EYS: variants seen among roughly 807,000 people sequenced by gnomAD.
EYS encodes protein eyes shut homolog.
EYS carries 250 observed loss-of-function variants against 282.1 expected under a neutral mutation model. That is an observed-to-expected ratio of 0.89 (90% CI 0.80 to 0.98). The LOEUF (loss-of-function observed/expected upper bound fraction) is 0.98. Ranked by LOEUF, EYS falls within the 50% of genes least tolerant of loss-of-function variation. The probability of loss-of-function intolerance (pLI) is 0.00; values close to 1 mark genes in which losing one functional copy is unlikely to be tolerated. For synonymous variants in EYS, 1,355 were observed against 1,282.9 expected (o/e 1.06, Z -1.20); for missense variants, 4,016 against 3,709.0 (o/e 1.08, Z -2.15).
intron 22 of EYS, among the ~76,000 whole-genome samples, chr6:64,662,036 T>C (rs532120322): frequency 4.6e-5 from 7 of 152,038 alleles, no homozygotes; most frequent in Admixed American, 1.3e-4. Context: ...ATATACACCA[T>C]GGAATACTAT....
chr6:65,139,666 A>T (rs1764277618), intron 12 of EYS, among the ~76,000 whole-genome samples: 2 of 152,056 alleles, frequency 1.3e-5, no homozygotes, highest in Admixed American at 1.3e-4. Context: ...ACCCATGCCC[A>T]TTGGAAATGA....
intron 1 of EYS, among the ~76,000 whole-genome samples, chr6:65,694,989 G>A (rs1769391376): frequency 6.6e-6 from 1 of 151,930 alleles, no homozygotes; most frequent in Non-Finnish European, 1.5e-5. Context: ...CAAAATGAAG[G>A]AGAATTTGAG....
intron 2 of EYS, among the ~76,000 whole-genome samples, chr6:65,561,090 G>A (rs9345652): frequency 0.21 from 32,464 of 152,062 alleles, 3,842 homozygotes; most frequent in East Asian, 0.31. Flanking sequence ...TAATGAAAAT[G>A]TGATTGGAAA....
In EYS at chr6:64,104,161, AAGATGGAATGGTAACCTTATAGGAATC is replaced by A. The variant is rs756751928; in HGVS notation, c.6425-22186_6425-22160del. 2.6e-4 allele frequency among the ~76,000 whole-genome samples: 40 copies of A among 152,310 alleles called. 1 individual carries two copies. The highest frequency in any genetic ancestry group is 3.4e-3 in the Middle Eastern group (1 of 294). On this transcript the variant is annotated intron_variant, in intron 31 of 42. Coordinates refer to ENST00000503581, the MANE Select transcript of EYS (RefSeq NM_001142800.2). ...CATAAAAGCTGAAGAGCTTACCACAAAGATGGAATGGTAACCTTATAGGAATCTGATATCAAGTTGGGTAAAGATAAG... is the reference window on the plus strand; with the variant it reads ...CATAAAAGCTGAAGAGCTTACCACAATGATATCAAGTTGGGTAAAGATAAG...
chr6:65,542,770 A>G (rs1323871196), intron 2 of EYS, among the ~76,000 whole-genome samples: 4 of 152,198 alleles, frequency 2.6e-5, no homozygotes, highest in South Asian at 2.1e-4. Context: ...ATTAAAAATG[A>G]CATTGGTAAA....
intron 30 of EYS, among the ~76,000 whole-genome samples, chr6:64,253,907 G>A (rs563770917): frequency 2.6e-5 from 4 of 152,208 alleles, no homozygotes; most frequent in Admixed American, 6.5e-5. Context: ...CATCAGTTGT[G>A]ACTGTTATGA....
chr6:65,091,103 T>C (rs966049418), intron 12 of EYS, among the ~76,000 whole-genome samples: 2 of 151,822 alleles, frequency 1.3e-5, no homozygotes, highest in African/African-American at 4.8e-5. Context: ...GTTCATATTC[T>C]GGATTAGGAG....
At chr6:64,606,411 A>G (rs1766939172) in intron 24 of EYS, among the ~76,000 whole-genome samples, 1 of 151,874 alleles carries the variant, frequency 6.6e-6, no homozygotes, top group Non-Finnish European at 1.5e-5. Context: ...CATCCATAGC[A>G]TCTTGTTTTT....
chr6:65,162,170 C>T (rs777008774), intron 12 of EYS, among the ~76,000 whole-genome samples: 2 of 151,232 alleles, frequency 1.3e-5, no homozygotes, highest in East Asian at 2.0e-4. Context: ...TTGACTACAA[C>T]ACTTGGTCTT....
At chr6:64,192,235 T>A (rs996380253) in intron 31 of EYS, among the ~76,000 whole-genome samples, 1 of 151,422 alleles carries the variant, frequency 6.6e-6, no homozygotes, top group South Asian at 2.1e-4. Flanking sequence ...ATTAGCCCTT[T>A]GTCAGATGAG....
At chr6:65,638,775 GT>G (rs1388646558) in intron 2 of EYS, among the ~76,000 whole-genome samples, 2 of 152,212 alleles carry the variant, frequency 1.3e-5, no homozygotes, top group African/African-American at 4.8e-5. Context: ...CTTGGCCGGC[GT>G]GGGATCCTAG....
intron 1 of EYS, among the ~76,000 whole-genome samples, chr6:65,679,761 C>T (rs1768751429): frequency 6.6e-6 from 1 of 151,800 alleles, no homozygotes; most frequent in African/African-American, 2.4e-5. Flanking sequence ...AAAATCACTA[C>T]AGTATAGTAA....
intron 11 of EYS, among the ~76,000 whole-genome samples, chr6:65,305,616 C>T (rs1768983626): frequency 1.3e-5 from 2 of 152,178 alleles, no homozygotes; most frequent in South Asian, 4.1e-4. Context: ...TTTTAAAAGG[C>T]TTTAAAGTGC....
At chr6:63,888,202 T>C (rs977167633) in intron 35 of EYS, among the ~76,000 whole-genome samples, 1 of 152,140 alleles carries the variant, frequency 6.6e-6, no homozygotes, top group African/African-American at 2.4e-5. Context: ...GGGGCAGCTG[T>C]GGGCGCAGCT....
intron 22 of EYS, among the ~76,000 whole-genome samples, chr6:64,718,305 A>G (rs34637212): frequency 0.012 from 1,807 of 152,194 alleles, 24 homozygotes; most frequent in Non-Finnish European, 0.021. Context: ...AGCCACTCCC[A>G]TCCACCCCTG....
chr6:65,282,939 T>A (rs2150276818), intron 12 of EYS, among the ~76,000 whole-genome samples: 1 of 152,106 alleles, frequency 6.6e-6, no homozygotes. Flanking sequence ...ATTTAGCATA[T>A]TTTCTCCAAA....
chr6:65,453,202 A>G (rs1764471613), intron 5 of EYS, among the ~76,000 whole-genome samples: 1 of 151,988 alleles, frequency 6.6e-6, no homozygotes, highest in South Asian at 2.1e-4. Context: ...TATGTATTTA[A>G]CTTCTATACT....
chr6:64,017,930 A>G (rs1365359910), intron 33 of EYS, among the ~76,000 whole-genome samples: 1 of 152,166 alleles, frequency 6.6e-6, no homozygotes, highest in Non-Finnish European at 1.5e-5. Flanking sequence ...CTAAACCCTT[A>G]TATTCTCTCA....
intron 2 of EYS, among the ~76,000 whole-genome samples, chr6:65,600,434 T>C (rs1372007397): frequency 6.6e-6 from 1 of 152,032 alleles, no homozygotes; most frequent in African/African-American, 2.4e-5. Flanking sequence ...AGGATGGCTC[T>C]TATATTCTTA....
Sources: gnomAD v4.1 joint callset for allele counts (sites outside exome capture counted in the v4.1 genomes callset) on GRCh38, gnomAD v4.1.1 for gene constraint, MANE v1.5 for transcripts, NCBI Gene and HGNC (gene_info 2026-07-23, HGNC 2026-07-21) for gene names.